The following GNG2 variants were observed in gnomAD, a reference collection of about 807,000 sequenced individuals.
GNG2 encodes G protein subunit gamma 2.
Under a neutral mutation model 5.5 loss-of-function variants are expected in GNG2, and 5 were observed. That is an observed-to-expected ratio of 0.91 (90% confidence interval 0.48 to 1.92). The LOEUF is 1.92. GNG2 is among the 30% of genes most tolerant of loss of function. The pLI, the probability that GNG2 is intolerant of heterozygous loss-of-function variation, is 0.01. For missense variants in GNG2, 55 were observed against 88.4 expected (o/e 0.62, Z 1.52); for synonymous variants, 28 against 32.0 (o/e 0.88, Z 0.42).
rs186059279 is a variant in GNG2, at chr14:51,877,497, A to T, written c.-70-120A>T. The T allele has an allele frequency of 2.2e-4, 91 of 411,294 alleles. No individual in the cohort carries two copies. The Middle Eastern group carries it at 3.2e-3, about 15-fold the overall frequency. 25.5% of individuals were successfully genotyped at this position (411,294 alleles called of 1,614,324 possible). Reference sequence around the variant, plus strand: ...TGTGAGACCTCCTGCCCTTATAACTATATTGCCATTACCACCCACCCCCGT... The same window carrying T: ...TGTGAGACCTCCTGCCCTTATAACTTTATTGCCATTACCACCCACCCCCGT... On this transcript the variant is annotated intron_variant, in intron 1 of 3. Transcript: ENST00000556766.
intron 2 of GNG2, among the ~76,000 whole-genome samples, chr14:51,887,279 C>T (rs867261677): frequency 2.0e-5 from 3 of 152,150 alleles, no homozygotes; most frequent in African/African-American, 7.2e-5. Context: ...CTTGGGCCTC[C>T]CGACATCAAA....
intron 1 of GNG2, among the ~76,000 whole-genome samples, chr14:51,875,141 C>G (rs190237199): frequency 6.6e-6 from 1 of 152,194 alleles, no homozygotes; most frequent in Admixed American, 6.5e-5. Flanking sequence ...ACAATCCGGA[C>G]GTGGATGGCC....
At position 51,968,579 on chromosome 14, in the gene GNG2, G is replaced by A. The variant is rs1374262991; in HGVS notation, c.*1892G>A. On this transcript the variant is annotated 3_prime_UTR_variant, in exon 4 of 4. Coordinates refer to ENST00000556766, the MANE Select transcript of GNG2 (RefSeq NM_053064.5). Reference sequence around the variant, plus strand: ...TGCACTTCTGTAACCAGATACTTCTGTTCTTCTGTTCAAATTGTGGGGTTT... The same window carrying A: ...TGCACTTCTGTAACCAGATACTTCTATTCTTCTGTTCAAATTGTGGGGTTT... 1 of 152,150 alleles carries A rather than the reference G, an allele frequency of 6.6e-6. No individual in the cohort carries two copies. Among genetic ancestry groups the A allele is most frequent in the South Asian group, 2.1e-4 (1 of 4,834 alleles). The allele number at this position is 152,150 out of a possible 1,614,324, so 9.4% of individuals were successfully genotyped here.
intron 3 of GNG2, among the ~76,000 whole-genome samples, chr14:51,963,952 T>A (rs550509673): frequency 3.3e-5 from 5 of 152,238 alleles, no homozygotes; most frequent in Admixed American, 3.3e-4. Context: ...GGTTGACTAG[T>A]GTCCCCTAAA....
chr14:51,928,606 C>T (rs1487259804), intron 2 of GNG2, among the ~76,000 whole-genome samples: 1 of 152,114 alleles, frequency 6.6e-6, no homozygotes, highest in Non-Finnish European at 1.5e-5. Flanking sequence ...AGTTTTATCT[C>T]ATCCTAAAAA....
chr14:51,917,464 T>C (rs527706137), intron 2 of GNG2: 12 of 455,632 alleles, frequency 2.6e-5, no homozygotes, highest in African/African-American at 8.0e-5. Context: ...AGGGAGTGAG[T>C]TGGAACCTTA....
At chr14:51,853,707 A>T (rs1210252668) in intron 2 of GNG2, among the ~76,000 whole-genome samples, 1 of 152,218 alleles carries the variant, frequency 6.6e-6, no homozygotes, top group African/African-American at 2.4e-5. Flanking sequence ...AGATACTTCA[A>T]AATGACTTAC....
chr14:51,853,245 G>A lies in GNG2; in HGVS notation c.64+25438G>A, dbSNP rs1302559726. ...GAGTGCACGCAATGTACAAAGTGCT[G>A]TGCGAGGTGGGTGCTGAAGATGAAG... On this transcript the variant is annotated intron_variant, in intron 2 of 3. Coordinates refer to the GNG2 transcript ENST00000553432. Among the ~76,000 whole-genome samples the A allele has an allele frequency of 3.3e-5, 5 of 152,324 alleles. No homozygotes were observed. In the East Asian group the frequency reaches 9.6e-4, roughly 29 times the overall value.
intron 2 of GNG2, among the ~76,000 whole-genome samples, chr14:51,885,084 A>T (rs1884356697): frequency 6.6e-6 from 1 of 152,200 alleles, no homozygotes; most frequent in Non-Finnish European, 1.5e-5. Flanking sequence ...TCATAATTGG[A>T]GTCCATGAAT....
At chr14:51,932,392 C>T (rs891491640) in intron 2 of GNG2, among the ~76,000 whole-genome samples, 19 of 151,818 alleles carry the variant, frequency 1.3e-4, no homozygotes, top group African/African-American at 4.1e-4. Context: ...ATAAGCCAGT[C>T]AGAAAAAGAT....
intron 2 of GNG2, among the ~76,000 whole-genome samples, chr14:51,921,738 T>G (rs1887025290): frequency 6.6e-6 from 1 of 152,206 alleles, no homozygotes; most frequent in Non-Finnish European, 1.5e-5. Flanking sequence ...AGGTGGATGC[T>G]CTTATGCCAA....
intron 1 of GNG2, among the ~76,000 whole-genome samples, chr14:51,871,171 C>T (rs1166205075): frequency 1.3e-5 from 2 of 152,030 alleles, no homozygotes; most frequent in Non-Finnish European, 2.9e-5. Flanking sequence ...TTTTAAACCT[C>T]ATGAATGACG....
chr14:51,906,040 A>T (rs778354512), intron 2 of GNG2, among the ~76,000 whole-genome samples: 17 of 152,248 alleles, frequency 1.1e-4, no homozygotes, highest in Admixed American at 4.6e-4. Context: ...CCTTCGGTAC[A>T]ACAGAGAACT....
At chr14:51,837,817 ATTGG>A (rs954889822) in intron 2 of GNG2, among the ~76,000 whole-genome samples, 1 of 152,142 alleles carries the variant, frequency 6.6e-6, no homozygotes, top group Admixed American at 6.6e-5. Context: ...TAGATACAAA[ATTGG>A]TTCATGTCCA....
At chr14:51,936,870 CTT>C (rs898168407) in intron 2 of GNG2, among the ~76,000 whole-genome samples, 2 of 152,160 alleles carry the variant, frequency 1.3e-5, no homozygotes, top group Non-Finnish European at 2.9e-5. Flanking sequence ...TAAATTATAT[CTT>C]GATAAAACTG....
In GNG2 at chr14:51,942,903, CTTG is replaced by C. The variant is rs559316929; in HGVS notation, c.-29-7742_-29-7740del. ...CTGGCAACTACTGGGCTCACAACAGCTTGTTGTACCAAAGAATGTCACTCTAGC... is the reference window on the plus strand; with the variant it reads ...CTGGCAACTACTGGGCTCACAACAGCTTGTACCAAAGAATGTCACTCTAGC... On this transcript the variant is annotated intron_variant, in intron 2 of 3. Coordinates refer to ENST00000556766, the MANE Select transcript of GNG2 (RefSeq NM_053064.5). 3.9e-5 allele frequency among the ~76,000 whole-genome samples: 6 copies of C among 152,200 alleles called. No individual in the cohort carries two copies. The East Asian group carries it at 9.7e-4, about 24-fold the overall frequency.
intron 2 of GNG2, among the ~76,000 whole-genome samples, chr14:51,850,133 T>G (rs568894247): frequency 2.6e-4 from 39 of 152,336 alleles, no homozygotes; most frequent in Middle Eastern, 3.4e-3. Context: ...GCAGCATAGT[T>G]GCCTCTTGGT....
At chr14:51,914,460 C>G (rs8019382) in intron 2 of GNG2, among the ~76,000 whole-genome samples, 1 of 151,926 alleles carries the variant, frequency 6.6e-6, no homozygotes, top group African/African-American at 2.4e-5. Context: ...TGTTTTGGCA[C>G]GAGGTTTGGT....
intron 3 of GNG2, among the ~76,000 whole-genome samples, chr14:51,963,727 C>G (rs573755130): frequency 1.3e-5 from 2 of 152,256 alleles, no homozygotes; most frequent in South Asian, 2.1e-4. Flanking sequence ...GTGCTTTGCT[C>G]TATGATATTG....
Sources: allele counts gnomAD v4.1 joint callset (sites outside exome capture counted in the v4.1 genomes callset), GRCh38; gene constraint gnomAD v4.1.1; transcripts MANE v1.5; gene names NCBI Gene and HGNC (gene_info 2026-07-23, HGNC 2026-07-21).